The following NCKAP5 variants were observed in gnomAD, a reference collection of about 807,000 sequenced individuals.
NCKAP5 encodes the protein nck-associated protein 5.
Under a neutral mutation model 167.0 loss-of-function variants are expected in NCKAP5, and 92 were observed. The observed-to-expected ratio is 0.55, with a 90% CI of 0.47 to 0.66. The LOEUF (loss-of-function observed/expected upper bound fraction) is 0.66. Ranked by LOEUF, NCKAP5 falls within the 30% of genes least tolerant of loss-of-function variation. NCKAP5 has a pLI of 0.00. For synonymous variants in NCKAP5, 891 were observed against 877.4 expected (o/e 1.02, Z -0.27); for missense variants, 2,378 against 2,315.0 (o/e 1.03, Z -0.56).
chr2:132,763,291 T>C (rs540267165), intron 16 of NCKAP5, among the ~76,000 whole-genome samples: 89 of 152,286 alleles, frequency 5.8e-4, no homozygotes, highest in Non-Finnish European at 1.0e-3. Context: ...ATCCTACAAA[T>C]CCAACTGTAT....
chr2:133,399,739 G>A (rs931736625), intron 3 of NCKAP5, among the ~76,000 whole-genome samples: 5 of 152,054 alleles, frequency 3.3e-5, no homozygotes, highest in Non-Finnish European at 7.4e-5. Context: ...CCATAACACA[G>A]TACAGACTAC....
At chr2:133,303,201 GACA>G in intron 3 of NCKAP5, 91 bp from the exon 4 acceptor site, 1 of 838,030 alleles carries the variant, frequency 1.2e-6, no homozygotes, top group Non-Finnish European at 2.0e-6. Context: ...GAGTATTTTT[GACA>G]ACATTATCCC....
intron 7 of NCKAP5, among the ~76,000 whole-genome samples, chr2:132,975,228 T>G (rs2076945628): frequency 6.6e-6 from 1 of 152,264 alleles, no homozygotes; most frequent in African/African-American, 2.4e-5. Flanking sequence ...CTTTTTCATC[T>G]CTGGATTTGA....
At chr2:132,830,919 C>T (rs759160261) in intron 11 of NCKAP5, among the ~76,000 whole-genome samples, 1 of 152,158 alleles carries the variant, frequency 6.6e-6, no homozygotes, top group Non-Finnish European at 1.5e-5. Context: ...TCTCACCCCC[C>T]TTCAGTCCTG....
intron 3 of NCKAP5, among the ~76,000 whole-genome samples, chr2:133,347,240 T>TG (rs1240456804): frequency 6.6e-6 from 1 of 152,156 alleles, no homozygotes; most frequent in Non-Finnish European, 1.5e-5. Flanking sequence ...CAAAATTGTG[T>TG]GGGGGGAGTT....
At chr2:132,683,581 C>T (rs1685540820) in intron 19 of NCKAP5, among the ~76,000 whole-genome samples, 1 of 152,172 alleles carries the variant, frequency 6.6e-6, no homozygotes, top group Non-Finnish European at 1.5e-5. Flanking sequence ...CAATAAGCTC[C>T]TCATGGGGCA....
At chr2:133,207,853 A>C (rs1425858316) in intron 5 of NCKAP5, among the ~76,000 whole-genome samples, 1 of 152,222 alleles carries the variant, frequency 6.6e-6, no homozygotes, top group African/African-American at 2.4e-5. Context: ...GAGAATTCAA[A>C]ATAATTTCTG....
chr2:133,107,768 G>T (rs181686631), intron 6 of NCKAP5, among the ~76,000 whole-genome samples: 4 of 152,126 alleles, frequency 2.6e-5, no homozygotes, highest in Non-Finnish European at 5.9e-5. Flanking sequence ...AAGTTAGGGC[G>T]TCATCTAAAT....
chr2:132,866,754 T>A (rs1475059647), intron 10 of NCKAP5, among the ~76,000 whole-genome samples: 1 of 152,218 alleles, frequency 6.6e-6, no homozygotes, highest in African/African-American at 2.4e-5. Context: ...ACCTCAAGGA[T>A]CTTCTGGTGA....
chr2:133,477,313 T>C (rs11884505), intron 3 of NCKAP5, among the ~76,000 whole-genome samples: 6,029 of 152,288 alleles, frequency 0.04, 378 homozygotes, highest in African/African-American at 0.14. Context: ...TGACTATTGC[T>C]TTCAGCTTGC....
the NCKAP5 span, among the ~76,000 whole-genome samples, chr2:133,651,795 C>T: frequency 1.4e-4 from 21 of 152,276 alleles, no homozygotes; most frequent in African/African-American, 4.6e-4. Context: ...AACATGTATA[C>T]GCATTCAATG....
intron 12 of NCKAP5, among the ~76,000 whole-genome samples, chr2:132,794,184 T>G (rs1684303054): frequency 7.2e-6 from 1 of 138,510 alleles, no homozygotes. Context: ...CTTAGGGACT[T>G]TTACCTGGGT....
the NCKAP5 span, among the ~76,000 whole-genome samples, chr2:133,661,748 A>G: frequency 6.6e-6 from 1 of 152,068 alleles, no homozygotes; most frequent in Non-Finnish European, 1.5e-5. Flanking sequence ...CCCATACCCA[A>G]GCCCTTTCCC....
intron 3 of NCKAP5, among the ~76,000 whole-genome samples, chr2:133,357,992 C>G (rs1486270240): frequency 6.6e-6 from 1 of 152,170 alleles, no homozygotes; most frequent in African/African-American, 2.4e-5. Context: ...TACTTGTGCT[C>G]ACACTATTTC....
At chr2:133,503,648 C>A (rs1045290498) in intron 3 of NCKAP5, among the ~76,000 whole-genome samples, 1 of 152,158 alleles carries the variant, frequency 6.6e-6, no homozygotes, top group African/African-American at 2.4e-5. Context: ...AACCACTACA[C>A]CCAATTTTCC....
intron 10 of NCKAP5, among the ~76,000 whole-genome samples, chr2:132,861,501 TA>T (rs57631683): frequency 0.53 from 80,128 of 150,180 alleles, 22,610 homozygotes; most frequent in East Asian, 0.81. Context: ...CTGATGTTAA[TA>T]AAAAAAAAAA....
intron 16 of NCKAP5, among the ~76,000 whole-genome samples, chr2:132,745,831 T>C (rs1301302543): frequency 6.6e-6 from 1 of 151,992 alleles, no homozygotes; most frequent in Non-Finnish European, 1.5e-5. Context: ...CAATACTATT[T>C]CTAACAGCAT....
intron 4 of NCKAP5, chr2:133,265,237 C>T (rs1027049770): frequency 6.6e-6 from 1 of 152,224 alleles, no homozygotes; most frequent in African/African-American, 2.4e-5. Flanking sequence ...TCCAGCAACA[C>T]GGGCCTCATT....
intron 8 of NCKAP5, among the ~76,000 whole-genome samples, chr2:132,943,370 G>A (rs1450034700): frequency 6.6e-6 from 1 of 152,344 alleles, no homozygotes; most frequent in Admixed American, 6.5e-5. Flanking sequence ...CTTGTCAAAA[G>A]AAGAATATAC....
Sources: gnomAD v4.1 joint callset for allele counts (sites outside exome capture counted in the v4.1 genomes callset) on GRCh38, gnomAD v4.1.1 for gene constraint, MANE v1.5 for transcripts, NCBI Gene and HGNC (gene_info 2026-07-23, HGNC 2026-07-21) for gene names.